The following SLC39A11 variants were observed in gnomAD, a reference collection of about 807,000 sequenced individuals.
SLC39A11 encodes zinc transporter ZIP11.
In SLC39A11, 33 loss-of-function variants were observed where a neutral mutation model predicts 36.1. That is an observed-to-expected ratio of 0.91 (90% CI 0.69 to 1.22). SLC39A11 has a LOEUF of 1.22. Ranked by LOEUF, SLC39A11 falls within the 50% of genes most tolerant of loss-of-function variation. The probability of loss-of-function intolerance (pLI) is 0.00; values close to 1 mark genes in which losing one functional copy is unlikely to be tolerated. For synonymous variants in SLC39A11, 166 were observed against 170.3 expected (o/e 0.97, Z 0.20); for missense variants, 432 against 430.3 (o/e 1.00, Z -0.03).
chr17:72,949,697 C>T (rs2085723036), intron 4 of SLC39A11, among the ~76,000 whole-genome samples: 1 of 151,864 alleles, frequency 6.6e-6, no homozygotes, highest in South Asian at 2.1e-4. Flanking sequence ...CTAATACAAT[C>T]ACTGTGGCAG....
At chr17:72,784,846 C>G (rs1354041371) in intron 6 of SLC39A11, among the ~76,000 whole-genome samples, 1 of 143,982 alleles carries the variant, frequency 6.9e-6, no homozygotes, top group Admixed American at 7.2e-5. Flanking sequence ...AATTAAACCT[C>G]TTTTTTCTTT....
chr17:73,083,107 C>G (rs2060601563), intron 3 of SLC39A11, among the ~76,000 whole-genome samples: 1 of 151,488 alleles, frequency 6.6e-6, no homozygotes, highest in Non-Finnish European at 1.5e-5. Flanking sequence ...TCCAAGGGGC[C>G]CTCCATGTCT....
At chr17:72,858,967 C>T (rs1030524422) in intron 5 of SLC39A11, among the ~76,000 whole-genome samples, 16 of 152,176 alleles carry the variant, frequency 1.1e-4, no homozygotes, top group African/African-American at 3.9e-4. Context: ...TTCCTGTCTT[C>T]CTATTTGGAT....
At chr17:73,083,475 A>T (rs1371761518) in intron 3 of SLC39A11, among the ~76,000 whole-genome samples, 1 of 152,224 alleles carries the variant, frequency 6.6e-6, no homozygotes, top group Non-Finnish European at 1.5e-5. Context: ...ACCCTGATCA[A>T]CTAAAAGGGA....
At chr17:73,025,617 T>A (rs186455167) in intron 4 of SLC39A11, among the ~76,000 whole-genome samples, 1 of 152,270 alleles carries the variant, frequency 6.6e-6, no homozygotes, top group African/African-American at 2.4e-5. Flanking sequence ...ATGCACAGAC[T>A]GATTCCAACT....
At chr17:72,895,204 C>T (rs7218093) in intron 5 of SLC39A11, among the ~76,000 whole-genome samples, 5 of 152,134 alleles carry the variant, frequency 3.3e-5, no homozygotes, top group East Asian at 1.9e-4. Context: ...AGGGTTGGTG[C>T]GATGGGAGAA....
intron 3 of SLC39A11, among the ~76,000 whole-genome samples, chr17:73,084,252 A>G (rs2060641395): frequency 6.6e-6 from 1 of 152,078 alleles, no homozygotes; most frequent in Non-Finnish European, 1.5e-5. Flanking sequence ...AGCCTGGGCA[A>G]CATGGTGAAA....
intron 4 of SLC39A11, among the ~76,000 whole-genome samples, chr17:73,006,887 C>T (rs1001322348): frequency 1.3e-5 from 2 of 152,148 alleles, no homozygotes; most frequent in African/African-American, 2.4e-5. Flanking sequence ...ATGTCCCAGG[C>T]ACTGTTCTAA....
At chr17:73,087,736 G>C (rs2060781673) in intron 2 of SLC39A11, among the ~76,000 whole-genome samples, 1 of 152,094 alleles carries the variant, frequency 6.6e-6, no homozygotes, top group East Asian at 1.9e-4. Flanking sequence ...GGCCATGACA[G>C]TGAGTGAGGG....
chr17:72,677,639 C>G (rs1272262023), intron 7 of SLC39A11, among the ~76,000 whole-genome samples: 1 of 152,138 alleles, frequency 6.6e-6, no homozygotes, highest in Non-Finnish European at 1.5e-5. Context: ...GAGTGTGCAT[C>G]CGAATCACCT....
chr17:72,986,687 C>A (rs763148679), intron 4 of SLC39A11, among the ~76,000 whole-genome samples: 1 of 152,166 alleles, frequency 6.6e-6, no homozygotes, highest in Non-Finnish European at 1.5e-5. Context: ...CGGGGTGAAC[C>A]GTGCACACAT....
intron 6 of SLC39A11, among the ~76,000 whole-genome samples, chr17:72,780,520 T>TGGG (rs140108885): frequency 0.018 from 972 of 55,390 alleles, 29 homozygotes; most frequent in African/African-American, 0.05. Context: ...GCCCTGAAGA[T>TGGG]GGGGGGCGGG....
intron 7 of SLC39A11, among the ~76,000 whole-genome samples, chr17:72,696,904 C>T (rs1412480762): frequency 6.6e-6 from 1 of 152,222 alleles, no homozygotes; most frequent in Non-Finnish European, 1.5e-5. Flanking sequence ...ATGAGATACG[C>T]TTCAGCAGCT....
At chr17:72,738,426 T>C (rs1184512392) in intron 6 of SLC39A11, among the ~76,000 whole-genome samples, 2 of 152,032 alleles carry the variant, frequency 1.3e-5, no homozygotes, top group African/African-American at 4.8e-5. Context: ...GTGTGCAGCG[T>C]GGGGCTAGAC....
chr17:73,044,678 A>G (rs2059214244), intron 3 of SLC39A11, among the ~76,000 whole-genome samples: 1 of 152,140 alleles, frequency 6.6e-6, no homozygotes, highest in African/African-American at 2.4e-5. Context: ...GTTCAAGACC[A>G]GCCTGGCCAA....
chr17:72,732,855 A>T (rs2074286166), intron 7 of SLC39A11, among the ~76,000 whole-genome samples: 1 of 152,194 alleles, frequency 6.6e-6, no homozygotes, highest in Non-Finnish European at 1.5e-5. Flanking sequence ...CTGGTACAAG[A>T]TAGAGTATAA....
Position 72,737,436 on chromosome 17 carries a change from G to C in SLC39A11, c.602-717C>G, listed in dbSNP as rs114810232. ...GAGTAGTTGGGACAGAAACTGTATG[G>C]CCTGAAATCTAAAATATTTACTTTC... On this transcript the variant is annotated intron_variant, in intron 6 of 9. Coordinates refer to ENST00000255559, the MANE Select transcript of SLC39A11 (RefSeq NM_139177.4). Among the ~76,000 whole-genome samples, 409 of 152,242 alleles carry C rather than the reference G, an allele frequency of 2.7e-3. 1 individual carries two copies. The highest frequency in any genetic ancestry group is 8.7e-3 in the African/African-American group (361 of 41,526).
intron 5 of SLC39A11, among the ~76,000 whole-genome samples, chr17:72,888,885 T>C (rs186884605): frequency 7.1e-4 from 108 of 152,082 alleles, no homozygotes; most frequent in Non-Finnish European, 1.0e-3. Context: ...CTGTGTGGTA[T>C]AGCAAGACCC....
chr17:73,002,560 C>T (rs2089882171), intron 4 of SLC39A11, among the ~76,000 whole-genome samples: 1 of 152,192 alleles, frequency 6.6e-6, no homozygotes, highest in Non-Finnish European at 1.5e-5. Flanking sequence ...AGAAAGGGCT[C>T]TCACTACCAA....
Sources: gnomAD v4.1 joint callset for allele counts (sites outside exome capture counted in the v4.1 genomes callset) on GRCh38, gnomAD v4.1.1 for gene constraint, MANE v1.5 for transcripts, NCBI Gene and HGNC (gene_info 2026-07-23, HGNC 2026-07-21) for gene names.